Variants in ARHGAP26 observed in about 807,000 individuals in gnomAD.
The protein encoded by ARHGAP26 is rho GTPase-activating protein 26.
A neutral mutation model predicts 104.8 loss-of-function variants in ARHGAP26; 38 were observed. That is an observed-to-expected ratio of 0.36 (90% CI 0.28 to 0.48). ARHGAP26 has a LOEUF of 0.48. Ranked by LOEUF, ARHGAP26 falls within the 20% of genes least tolerant of loss-of-function variation. The pLI, the probability that ARHGAP26 is intolerant of heterozygous loss-of-function variation, is 0.99. For synonymous variants in ARHGAP26, 341 were observed against 340.0 expected, an observed-to-expected ratio of 1.00 and a Z score of -0.03; for missense variants, 704 against 947.9, an observed-to-expected ratio of 0.74 and a Z score of 3.38.
At chr5:142,846,912 C>A (rs557860125) in intron 1 of ARHGAP26, among the ~76,000 whole-genome samples, 6 of 152,186 alleles carry the variant, frequency 3.9e-5, no homozygotes, top group African/African-American at 1.4e-4. Flanking sequence ...CAGAACCACT[C>A]GGTGTGCTAA....
At chr5:142,997,963 T>C (rs187940667) in intron 11 of ARHGAP26, among the ~76,000 whole-genome samples, 146 of 152,308 alleles carry the variant, frequency 9.6e-4, no homozygotes, top group African/African-American at 3.4e-3. Flanking sequence ...AGAAATTGAA[T>C]AAGGTGATGT....
intron 17 of ARHGAP26, among the ~76,000 whole-genome samples, chr5:143,085,933 A>G (rs1225623145): frequency 2.0e-5 from 3 of 152,210 alleles, no homozygotes; most frequent in South Asian, 2.1e-4. Flanking sequence ...CATTTTCCCT[A>G]TTATGCAAGG....
chr5:142,901,893 C>A, intron 6 of ARHGAP26, 42 bp from the exon 7 acceptor site: 1 of 1,552,836 alleles, frequency 6.4e-7, no homozygotes, highest in Non-Finnish European at 8.9e-7. Flanking sequence ...TACCTCTTTT[C>A]AACCTGGTTA....
chr5:143,096,604 C>T (rs774517202), intron 17 of ARHGAP26, among the ~76,000 whole-genome samples: 22 of 151,926 alleles, frequency 1.4e-4, no homozygotes, highest in Admixed American at 3.9e-4. Context: ...TTTCCTCCTT[C>T]GTTATTATAT....
chr5:143,162,365 A>G (rs1554256410), intron 20 of ARHGAP26, among the ~76,000 whole-genome samples: 1 of 152,024 alleles, frequency 6.6e-6, no homozygotes, highest in Non-Finnish European at 1.5e-5. Context: ...GTAGAATTAG[A>G]GGAAATATGT....
chr5:142,993,037 A>G (rs886866438), intron 11 of ARHGAP26, among the ~76,000 whole-genome samples: 1 of 151,772 alleles, frequency 6.6e-6, no homozygotes, highest in Admixed American at 6.6e-5. Flanking sequence ...GCTGGAGTGC[A>G]GTGGCGGGAT....
At chr5:142,807,453 G>C (rs528184726) in intron 1 of ARHGAP26, among the ~76,000 whole-genome samples, 2 of 152,180 alleles carry the variant, frequency 1.3e-5, no homozygotes, top group African/African-American at 4.8e-5. Flanking sequence ...CTTCAGTTCA[G>C]CTGTGCTGCT....
rs1339863174 is a variant in ARHGAP26, at chr5:143,223,879, C to G, written c.*1433C>G. 2 of 231,450 alleles carry G rather than the reference C, an allele frequency of 8.6e-6. No individual in the cohort carries two copies. The highest frequency in any genetic ancestry group is 1.7e-5 in the Non-Finnish European group (2 of 116,790). 14.3% of individuals were successfully genotyped at this position (231,450 alleles called of 1,614,324 possible). A position where few individuals can be genotyped will look rare whatever the true frequency, so the allele number is the denominator to read the frequency against. On this transcript the variant is annotated 3_prime_UTR_variant, in exon 23 of 23. Transcript: ENST00000645722. ...ATGGGGAAGTACTACCTGGAGATTT[C>G]AAATTCACTTGGCCTGCAAACAACA...
At chr5:142,775,485 A>G (rs2151813506) in intron 1 of ARHGAP26, among the ~76,000 whole-genome samples, 1 of 152,316 alleles carries the variant, frequency 6.6e-6, no homozygotes, top group East Asian at 1.9e-4. Flanking sequence ...TGTAAAATAT[A>G]CATAACACAA....
chr5:143,165,224 G>A (rs991463056), intron 20 of ARHGAP26: 1 of 152,254 alleles, frequency 6.6e-6, no homozygotes, highest in Admixed American at 6.5e-5. Flanking sequence ...CAAAGCTGGG[G>A]TCGAATCAGG....
chr5:142,787,892 T>A (rs1183791737), intron 1 of ARHGAP26, among the ~76,000 whole-genome samples: 2 of 152,180 alleles, frequency 1.3e-5, no homozygotes, highest in African/African-American at 4.8e-5. Flanking sequence ...GGTGGCTACA[T>A]AATACTCCAA....
chr5:143,220,559 T>C (rs952208847), intron 22 of ARHGAP26, among the ~76,000 whole-genome samples: 3 of 152,164 alleles, frequency 2.0e-5, no homozygotes, highest in African/African-American at 7.2e-5. Flanking sequence ...CAGGGGTATA[T>C]GGGTGTTCTT....
chr5:142,983,194 A>G (rs542624477), intron 11 of ARHGAP26, among the ~76,000 whole-genome samples: 1 of 151,848 alleles, frequency 6.6e-6, no homozygotes, highest in African/African-American at 2.4e-5. Context: ...AATTAGACCT[A>G]AAGATGCTAT....
chr5:142,793,211 A>G (rs913907598), intron 1 of ARHGAP26, among the ~76,000 whole-genome samples: 21 of 150,956 alleles, frequency 1.4e-4, no homozygotes, highest in Non-Finnish European at 2.5e-4. Flanking sequence ...TGGACCTAAA[A>G]GAAGCAGGAG....
At position 142,897,193 on chromosome 5, in the gene ARHGAP26, C is replaced by T. The variant is rs562257184; in HGVS notation, c.597+2845C>T. 1.9e-3 allele frequency among the ~76,000 whole-genome samples: 292 copies of T among 152,224 alleles called. 1 individual carries two copies. Among genetic ancestry groups the T allele is most frequent in the African/African-American group, 6.8e-3 (282 of 41,526 alleles). On this transcript the variant is annotated intron_variant, in intron 6 of 22. Transcript: ENST00000645722. ...GACAGGATGGATGCTATAGATGTGC[C>T]AGAGGGATTTAAAAGTATAACCATC... is the stretch of plus-strand genomic sequence containing the variant.
chr5:143,154,109 T>C (rs1800175070), intron 20 of ARHGAP26, among the ~76,000 whole-genome samples: 1 of 150,570 alleles, frequency 6.6e-6, no homozygotes, highest in Non-Finnish European at 1.5e-5. Flanking sequence ...GAACTCCTAC[T>C]GTGGGCCTGG....
intron 1 of ARHGAP26, among the ~76,000 whole-genome samples, chr5:142,792,956 C>T (rs372464189): frequency 1.4e-4 from 22 of 152,190 alleles, no homozygotes; most frequent in East Asian, 1.2e-3. Context: ...TGATGTTCAT[C>T]GAAGGCAGAA....
At chr5:142,866,361 C>T (rs1408102169) in intron 1 of ARHGAP26, among the ~76,000 whole-genome samples, 2 of 152,156 alleles carry the variant, frequency 1.3e-5, no homozygotes, top group African/African-American at 4.8e-5. Flanking sequence ...CCTGCATGAT[C>T]TTGGGCACGT....
chr5:143,117,071 G>A (rs1250693962), intron 17 of ARHGAP26, among the ~76,000 whole-genome samples: 1 of 152,228 alleles, frequency 6.6e-6, no homozygotes, highest in Admixed American at 6.5e-5. Flanking sequence ...CCACGTGGAT[G>A]TAGGGATCTG....
Sources: gnomAD v4.1 joint callset for allele counts (sites outside exome capture counted in the v4.1 genomes callset) on GRCh38, gnomAD v4.1.1 for gene constraint, MANE v1.5 for transcripts, NCBI Gene and HGNC (gene_info 2026-07-23, HGNC 2026-07-21) for gene names.